EPCIP: variants seen among roughly 807,000 people sequenced by gnomAD.
The protein encoded by EPCIP is exosomal polycystin 1 interacting protein, also known as exosomal polycystin-1-interacting protein.
chr21:32,806,159 G>T, the EPCIP span, among the ~76,000 whole-genome samples: 6 of 152,300 alleles, frequency 3.9e-5, no homozygotes, highest in East Asian at 1.2e-3. Flanking sequence ...TGAGGCACAA[G>T]TGGCCCCCTG....
the EPCIP span, among the ~76,000 whole-genome samples, chr21:32,792,402 T>C: frequency 6.6e-6 from 1 of 152,236 alleles, no homozygotes; most frequent in Non-Finnish European, 1.5e-5. Flanking sequence ...TATCTGTTAA[T>C]AATTTGAGCA....
At chr21:32,811,610 T>C in the EPCIP span, among the ~76,000 whole-genome samples, 1 of 152,202 alleles carries the variant, frequency 6.6e-6, no homozygotes, top group Non-Finnish European at 1.5e-5. Flanking sequence ...CCTATTCAAG[T>C]GAGATTCCAT....
At chr21:32,807,377 G>A in the EPCIP span, among the ~76,000 whole-genome samples, 1 of 135,438 alleles carries the variant, frequency 7.4e-6, no homozygotes, top group Non-Finnish European at 1.5e-5. Flanking sequence ...TTATTGCCCA[G>A]GCTGGAGTGC....
the EPCIP span, among the ~76,000 whole-genome samples, chr21:32,809,049 T>C: frequency 6.6e-6 from 1 of 152,040 alleles, no homozygotes; most frequent in Non-Finnish European, 1.5e-5. Flanking sequence ...GATTCTTTTT[T>C]TGTTTTTTTT....
chr21:32,806,160 T>C, the EPCIP span, among the ~76,000 whole-genome samples: 5 of 152,160 alleles, frequency 3.3e-5, no homozygotes, highest in Non-Finnish European at 5.9e-5. Context: ...GAGGCACAAG[T>C]GGCCCCCTGC....
the EPCIP span, among the ~76,000 whole-genome samples, chr21:32,809,388 T>G: frequency 0.013 from 1,896 of 150,380 alleles, 49 homozygotes; most frequent in African/African-American, 0.044. Flanking sequence ...CTCTCTTTCT[T>G]TCTTTCCTTT....
the EPCIP span, chr21:32,798,151 A>G: frequency 1.3e-5 from 2 of 152,238 alleles, no homozygotes; most frequent in South Asian, 2.1e-4. Context: ...CCCAGCCAAC[A>G]TTGTGAGACA....
the EPCIP span, among the ~76,000 whole-genome samples, chr21:32,803,787 A>G: frequency 6.6e-6 from 1 of 152,158 alleles, no homozygotes; most frequent in African/African-American, 2.4e-5. Context: ...ACATTCCACA[A>G]CAGCACATCC....
chr21:32,791,252 G>C, the EPCIP span: 1 of 152,200 alleles, frequency 6.6e-6, no homozygotes, highest in East Asian at 1.9e-4. Context: ...TTCCTTTTCT[G>C]TTGGTTTAAG....
At chr21:32,798,108 G>A in the EPCIP span, 1 of 152,252 alleles carries the variant, frequency 6.6e-6, no homozygotes, top group Non-Finnish European at 1.5e-5. Context: ...GCTGAGGTAG[G>A]AGGATTGTGG....
chr21:32,807,349 T>TTTTTTTA, the EPCIP span, among the ~76,000 whole-genome samples: 4 of 148,192 alleles, frequency 2.7e-5, no homozygotes, highest in South Asian at 4.2e-4. Context: ...TTTTTTTTTT[T>TTTTTTTA]GAGACAGAGT....
chr21:32,801,438 C>T, the EPCIP span, among the ~76,000 whole-genome samples: 1 of 152,312 alleles, frequency 6.6e-6, no homozygotes, highest in Middle Eastern at 3.4e-3. Flanking sequence ...AAGAAGATAT[C>T]ATCCATGCCC....
the EPCIP span, chr21:32,793,760 T>C: frequency 2.5e-6 from 4 of 1,613,248 alleles, no homozygotes; most frequent in Non-Finnish European, 3.4e-6. Flanking sequence ...ACAGTTATTA[T>C]GCTAGTAAAT....
At chr21:32,812,104 T>C in the EPCIP span, among the ~76,000 whole-genome samples, 1 of 152,232 alleles carries the variant, frequency 6.6e-6, no homozygotes, top group East Asian at 1.9e-4. Flanking sequence ...GTATGGAATG[T>C]GGGACAAAGA....
At chr21:32,796,477 G>A in the EPCIP span, among the ~76,000 whole-genome samples, 7,002 of 152,330 alleles carry the variant, frequency 0.046, 293 homozygotes, top group African/African-American at 0.11. Flanking sequence ...ACATAGCAGA[G>A]AGAGAGAGAG....
the EPCIP span, chr21:32,796,930 CT>C: frequency 2.1e-6 from 1 of 469,296 alleles, no homozygotes; most frequent in East Asian, 7.0e-5. Context: ...GTCTGCCTCC[CT>C]GTTTCAGGTG....
chr21:32,797,065 G>A, the EPCIP span: 5 of 467,566 alleles, frequency 1.1e-5, no homozygotes, highest in Admixed American at 9.4e-5. Context: ...CCGACAGTAA[G>A]GCCCTGGCTA....
chr21:32,797,720 C>G, the EPCIP span: 1 of 152,148 alleles, frequency 6.6e-6, no homozygotes, highest in East Asian at 1.9e-4. Flanking sequence ...TCAGTGTACT[C>G]AAACTCTTTT....
At chr21:32,812,515 A>G in the EPCIP span, among the ~76,000 whole-genome samples, 2 of 152,230 alleles carry the variant, frequency 1.3e-5, no homozygotes, top group African/African-American at 4.8e-5. Flanking sequence ...ACTCATTTCC[A>G]TAAATACTTT....
Sources: allele counts gnomAD v4.1 joint callset (sites outside exome capture counted in the v4.1 genomes callset), GRCh38; gene constraint gnomAD v4.1.1; transcripts MANE v1.5; gene names NCBI Gene and HGNC (gene_info 2026-07-23, HGNC 2026-07-21).